KCNG3: variants seen among roughly 807,000 people sequenced by gnomAD.
The protein encoded by KCNG3 is voltage-gated potassium channel regulatory subunit KCNG3.
KCNG3 carries 15 observed loss-of-function variants against 29.0 expected under a neutral mutation model. The ratio of observed to expected loss-of-function variants is 0.52; its 90% CI spans 0.35 to 0.80. The LOEUF is 0.80. KCNG3 is among the 30% of genes least tolerant of loss of function. The pLI is 0.01. For synonymous variants in KCNG3, 322 were observed against 248.9 expected (o/e 1.29, Z -2.76); for missense variants, 512 against 605.7 (o/e 0.85, Z 1.62).
intron 1 of KCNG3, among the ~76,000 whole-genome samples, chr2:42,488,764 G>T (rs1264803266): frequency 2.0e-5 from 3 of 151,882 alleles, no homozygotes; most frequent in Admixed American, 6.6e-5. Context: ...TGGTCTGGCT[G>T]GTCTCGAACT....
Position 42,466,353 on chromosome 2 carries a change from C to A in KCNG3, c.666-21774G>T, listed in dbSNP as rs547516538. 3.3e-5 allele frequency among the ~76,000 whole-genome samples: 5 copies of A among 152,198 alleles called. No homozygotes were observed. The South Asian group carries it at 1.0e-3, about 32-fold the overall frequency. ...ACCAGGAGGCGGAGGTTGCAGTGAG[C>A]CAAGATCATGTGCCACTGCACTCCA... On this transcript the variant is annotated intron_variant, in intron 1 of 1. Coordinates refer to ENST00000306078, the MANE Select transcript of KCNG3 (RefSeq NM_133329.6).
At chr2:42,407,878 C>T in the KCNG3 span, among the ~76,000 whole-genome samples, 1 of 152,126 alleles carries the variant, frequency 6.6e-6, no homozygotes. Context: ...GCTGCAGCCA[C>T]CCAAACCGTG....
intron 1 of KCNG3, among the ~76,000 whole-genome samples, chr2:42,456,727 G>A (rs548777440): frequency 6.6e-6 from 1 of 152,146 alleles, no homozygotes; most frequent in South Asian, 2.1e-4. Context: ...GCCACAAAAG[G>A]AAAAGTTACC....
At chr2:42,461,277 C>A (rs1673011985) in intron 1 of KCNG3, among the ~76,000 whole-genome samples, 1 of 148,518 alleles carries the variant, frequency 6.7e-6, no homozygotes, top group Admixed American at 6.7e-5. Context: ...TGTTCGTGTT[C>A]ATTACGCTCT....
the KCNG3 span, among the ~76,000 whole-genome samples, chr2:42,409,879 T>C: frequency 6.6e-6 from 1 of 152,076 alleles, no homozygotes; most frequent in Non-Finnish European, 1.5e-5. Flanking sequence ...GACCTCCAGG[T>C]CTCCTAGCCA....
chr2:42,419,827 C>T, the KCNG3 span, among the ~76,000 whole-genome samples: 2 of 152,192 alleles, frequency 1.3e-5, no homozygotes, highest in East Asian at 1.9e-4. Context: ...AGGGTTAAAT[C>T]GCAGAACTGA....
the KCNG3 span, among the ~76,000 whole-genome samples, chr2:42,419,215 ATCTC>A: frequency 1.7e-5 from 1 of 58,822 alleles, no homozygotes; most frequent in African/African-American, 5.8e-5. Flanking sequence ...CTCAGATGGT[ATCTC>A]TTTTTTTTTT....
Position 42,492,892 on chromosome 2 carries a change from G to A in KCNG3, c.610C>T (p.Arg204Cys), listed in dbSNP as rs890899243. 1 of 1,555,838 alleles carries A rather than the reference G, an allele frequency of 6.4e-7. No homozygotes were observed. Among genetic ancestry groups the A allele is most frequent in the Non-Finnish European group, 8.6e-7 (1 of 1,156,840 alleles). Residue 204 changes from arginine (R) to cysteine (C), a missense_variant, in exon 1 of 2, where the codon CGC becomes TGC. By Grantham distance (180) the Arg-to-Cys change is radical (BLOSUM62 -3). Coordinates refer to ENST00000306078, the MANE Select transcript of KCNG3 (RefSeq NM_133329.6). ...PDWRNAAADN[R>C]SLDDRSRYSA... ...TACCTGCTCCGGTCATCCAGGCTGCGGTTGTCGGCGGCTGCGTTGCGCCAG... is the reference window on the plus strand; with the variant it reads ...TACCTGCTCCGGTCATCCAGGCTGCAGTTGTCGGCGGCTGCGTTGCGCCAG...
chr2:42,459,436 G>A (rs1484969276), intron 1 of KCNG3, among the ~76,000 whole-genome samples: 5 of 152,182 alleles, frequency 3.3e-5, no homozygotes, highest in South Asian at 2.1e-4. Context: ...AAGGAGGCAC[G>A]AAATGTGCAT....
the KCNG3 span, among the ~76,000 whole-genome samples, chr2:42,416,441 G>C: frequency 6.6e-6 from 1 of 152,112 alleles, no homozygotes; most frequent in East Asian, 1.9e-4. Flanking sequence ...ACAAGATGCG[G>C]TCTAAAACAA....
At chr2:42,455,931 T>A (rs945144344) in intron 1 of KCNG3, among the ~76,000 whole-genome samples, 2 of 149,398 alleles carry the variant, frequency 1.3e-5, no homozygotes, top group Admixed American at 1.3e-4. Context: ...AGTTATTATA[T>A]ACCTATAATA....
At chr2:42,389,561 AC>A in the KCNG3 span, among the ~76,000 whole-genome samples, 1 of 152,176 alleles carries the variant, frequency 6.6e-6, no homozygotes, top group Non-Finnish European at 1.5e-5. Context: ...TCAAGAATAA[AC>A]TTTTTATTTT....
At chr2:42,416,148 T>C in the KCNG3 span, among the ~76,000 whole-genome samples, 1 of 151,748 alleles carries the variant, frequency 6.6e-6, no homozygotes, top group African/African-American at 2.4e-5. Flanking sequence ...GAGGTGAAGG[T>C]TGCAGTGAGC....
chr2:42,477,380 CAT>C (rs141470417), intron 1 of KCNG3, among the ~76,000 whole-genome samples: 3,090 of 113,066 alleles, frequency 0.027, 99 homozygotes, highest in African/African-American at 0.082. Context: ...TATACACACA[CAT>C]ATATATACAC....
the KCNG3 span, among the ~76,000 whole-genome samples, chr2:42,394,638 C>G: frequency 4.9e-3 from 750 of 152,316 alleles, 5 homozygotes; most frequent in African/African-American, 0.017. Context: ...CTGACTGCCT[C>G]CTTTGGAGAG....
At chr2:42,406,566 C>T in the KCNG3 span, among the ~76,000 whole-genome samples, 1 of 150,930 alleles carries the variant, frequency 6.6e-6, no homozygotes, top group African/African-American at 2.4e-5. Context: ...GTGGCTCACG[C>T]CTGTAATCCC....
At chr2:42,391,595 CTTTTTT>C in the KCNG3 span, among the ~76,000 whole-genome samples, 4 of 88,104 alleles carry the variant, frequency 4.5e-5, no homozygotes, top group African/African-American at 9.8e-5. Flanking sequence ...TTTTATATCT[CTTTTTT>C]TTTTTTTTTT....
chr2:42,444,650 G>C lies in KCNG3; in HGVS notation c.666-71C>G. 2.2e-6 allele frequency: 3 copies of C among 1,349,704 alleles called. No individual in the cohort carries two copies. Among genetic ancestry groups the C allele is most frequent in the South Asian group, 2.7e-5 (2 of 73,096 alleles). The allele number at this position is 1,349,704 out of a possible 1,614,324, so 83.6% of individuals were successfully genotyped here. On this transcript the variant is annotated intron_variant, in intron 1 of 1. Coordinates refer to ENST00000306078, the MANE Select transcript of KCNG3 (RefSeq NM_133329.6). The surrounding 1 kb of genome is among the most constrained non-coding windows in gnomAD (Gnocchi z 5.8). The stretch of plus-strand genomic sequence containing the variant: ...TTTTAATAGCTCTTAGATTTCTTCA[G>C]ATAGTACTACACTGACATACTAATT...
At chr2:42,482,632 G>C (rs992110192) in intron 1 of KCNG3, among the ~76,000 whole-genome samples, 1 of 152,186 alleles carries the variant, frequency 6.6e-6, no homozygotes, top group Non-Finnish European at 1.5e-5. Context: ...AGGGGGCTGA[G>C]GCACAAGAAT....
Sources: gnomAD v4.1 joint callset for allele counts (sites outside exome capture counted in the v4.1 genomes callset) on GRCh38, gnomAD v4.1.1 for gene constraint, Gnocchi (gnomAD v3.1) non-coding constraint, MANE v1.5 for transcripts, NCBI Gene and HGNC (gene_info 2026-07-23, HGNC 2026-07-21) for gene names.